The following GRIK2 variants were observed in gnomAD, a reference collection of about 807,000 sequenced individuals.
GRIK2 encodes glutamate receptor ionotropic, kainate 2.
Under a neutral mutation model 100.3 loss-of-function variants are expected in GRIK2, and 32 were observed. The observed-to-expected ratio is 0.32, with a 90% CI of 0.24 to 0.43. GRIK2 has a LOEUF of 0.43. Among genes scored for constraint, GRIK2 ranks in the 20% least tolerant of loss-of-function variants. The probability of loss-of-function intolerance (pLI) is 1.00; values close to 1 mark genes in which losing one functional copy is unlikely to be tolerated. For missense variants in GRIK2, 843 were observed against 1,114.9 expected (o/e 0.76, Z 3.47); for synonymous variants, 417 against 389.4 (o/e 1.07, Z -0.83).
intron 2 of GRIK2, among the ~76,000 whole-genome samples, chr6:101,586,126 T>C (rs1778347865): frequency 6.6e-6 from 1 of 151,960 alleles, no homozygotes; most frequent in African/African-American, 2.4e-5. Flanking sequence ...CATGTGTGCT[T>C]CTATTCTCAC....
Position 101,965,932 on chromosome 6 carries a change from C to A in GRIK2, c.2085+37300C>A, listed in dbSNP as rs575347204. The stretch of plus-strand genomic sequence containing the variant: ...TAAAGGTAGTTTATAATCTATTATT[C>A]TTTTTATAATAATTATGATGTTATG... On this transcript the variant is annotated intron_variant, in intron 14 of 16. Transcript: ENST00000369134. Among the ~76,000 whole-genome samples, 9 of 152,102 alleles carry A rather than the reference C, an allele frequency of 5.9e-5. No homozygotes were observed. In the East Asian group the frequency reaches 1.5e-3, roughly 26 times the overall value.
intron 7 of GRIK2, among the ~76,000 whole-genome samples, chr6:101,785,333 T>C (rs1025473461): frequency 1.3e-5 from 2 of 152,174 alleles, no homozygotes; most frequent in Admixed American, 6.5e-5. Context: ...TTGTGTCCCA[T>C]ATGTCTATTT....
intron 2 of GRIK2, among the ~76,000 whole-genome samples, chr6:101,591,687 C>T (rs1241548557): frequency 1.3e-5 from 2 of 151,798 alleles, no homozygotes; most frequent in Admixed American, 6.6e-5. Context: ...AACATATTAA[C>T]AGTGAAATAA....
At chr6:101,681,310 G>A (rs775678080) in intron 5 of GRIK2, among the ~76,000 whole-genome samples, 1 of 151,742 alleles carries the variant, frequency 6.6e-6, no homozygotes, top group Non-Finnish European at 1.5e-5. Flanking sequence ...CTGCAGCCTC[G>A]ACTTTGGGAG....
chr6:101,441,123 C>T (rs1053204296), intron 2 of GRIK2, among the ~76,000 whole-genome samples: 6 of 151,942 alleles, frequency 3.9e-5, no homozygotes, highest in South Asian at 4.1e-4. Flanking sequence ...GGATTACAGG[C>T]GTGAGCCACT....
chr6:101,878,164 A>AT (rs1291955277), intron 11 of GRIK2, among the ~76,000 whole-genome samples: 4 of 149,060 alleles, frequency 2.7e-5, no homozygotes, highest in East Asian at 3.9e-4. Flanking sequence ...TGTCATTTGT[A>AT]TTTTTTTCTT....
chr6:101,573,761 C>A (rs987573147), intron 2 of GRIK2, among the ~76,000 whole-genome samples: 3 of 152,028 alleles, frequency 2.0e-5, no homozygotes. Flanking sequence ...CTCATGTAAC[C>A]TGTAAATACA....
Position 101,833,234 on chromosome 6 carries a change from T to C in GRIK2, c.1317+14751T>C, listed in dbSNP as rs190789761. Among the ~76,000 whole-genome samples the C allele has an allele frequency of 3.4e-4, 52 of 152,224 alleles. No homozygotes were observed. The East Asian group carries it at 7.2e-3, about 21-fold the overall frequency. ...TTGTTTTTCGTTGTTGTTGTTTGTT[T>C]GTTTTGTTTTGTTTTGAGACGGAGT... is the stretch of plus-strand genomic sequence containing the variant. On this transcript the variant is annotated intron_variant, in intron 10 of 16. Coordinates refer to ENST00000369134, the MANE Select transcript of GRIK2 (RefSeq NM_021956.5).
chr6:101,454,785 G>A (rs1021726178), intron 2 of GRIK2, among the ~76,000 whole-genome samples: 7 of 152,006 alleles, frequency 4.6e-5, no homozygotes, highest in African/African-American at 9.7e-5. Context: ...GAGAGCCTGC[G>A]AGGATTACAT....
intron 4 of GRIK2, among the ~76,000 whole-genome samples, chr6:101,665,370 G>T (rs1425328669): frequency 6.6e-6 from 1 of 152,162 alleles, no homozygotes; most frequent in East Asian, 1.9e-4. Flanking sequence ...TGGTTGTTTG[G>T]AATCACAGTA....
intron 14 of GRIK2, chr6:101,993,955 TGTA>T (rs754182944): frequency 8.9e-4 from 130 of 146,112 alleles, no homozygotes; most frequent in Admixed American, 1.8e-3. Context: ...TATAAACAAA[TGTA>T]TATATCTATA....
intron 7 of GRIK2, among the ~76,000 whole-genome samples, chr6:101,707,207 AT>A (rs1043131558): frequency 1.3e-5 from 2 of 151,774 alleles, no homozygotes; most frequent in South Asian, 2.1e-4. Flanking sequence ...ATAAGCACAT[AT>A]TCTAATTTGA....
At chr6:101,686,883 C>G (rs1771739228) in intron 7 of GRIK2, among the ~76,000 whole-genome samples, 1 of 152,008 alleles carries the variant, frequency 6.6e-6, no homozygotes, top group Non-Finnish European at 1.5e-5. Flanking sequence ...ATTGCATAAA[C>G]TATGAAAGAA....
chr6:101,640,572 T>C (rs1248841963), intron 4 of GRIK2, among the ~76,000 whole-genome samples: 1 of 152,162 alleles, frequency 6.6e-6, no homozygotes, highest in East Asian at 1.9e-4. Flanking sequence ...AATCTTGTTC[T>C]GTTAAATCAC....
At chr6:101,683,508 A>G (rs1771443509) in intron 6 of GRIK2, among the ~76,000 whole-genome samples, 1 of 152,114 alleles carries the variant, frequency 6.6e-6, no homozygotes, top group South Asian at 2.1e-4. Flanking sequence ...TTTGTTATCA[A>G]TACATTATCC....
intron 2 of GRIK2, among the ~76,000 whole-genome samples, chr6:101,518,097 A>AC (rs34458712): frequency 0.26 from 39,752 of 151,882 alleles, 5,776 homozygotes; most frequent in Middle Eastern, 0.33. Flanking sequence ...ATGTTTTGAG[A>AC]CCCCAAGTGT....
intron 14 of GRIK2, among the ~76,000 whole-genome samples, chr6:102,031,076 T>TACACACACACACACACAC (rs55900001): frequency 9.3e-5 from 11 of 118,320 alleles, no homozygotes; most frequent in Non-Finnish European, 2.0e-4. Flanking sequence ...TATTATGCAT[T>TACACACACACACACACAC]ACACACACAC....
At chr6:101,794,289 C>T (rs1377035198) in intron 7 of GRIK2, among the ~76,000 whole-genome samples, 2 of 152,026 alleles carry the variant, frequency 1.3e-5, no homozygotes, top group Admixed American at 1.3e-4. Context: ...CAGAAATCAC[C>T]CCTCTTCTGC....
At chr6:101,566,482 A>C (rs543555381) in intron 2 of GRIK2, among the ~76,000 whole-genome samples, 1 of 148,296 alleles carries the variant, frequency 6.7e-6, no homozygotes, top group Non-Finnish European at 1.5e-5. Context: ...TAAATTTCTA[A>C]ATATTTAAAA....
Sources: allele counts gnomAD v4.1 joint callset (sites outside exome capture counted in the v4.1 genomes callset), GRCh38; gene constraint gnomAD v4.1.1; transcripts MANE v1.5; gene names NCBI Gene and HGNC (gene_info 2026-07-23, HGNC 2026-07-21).